The following AANAT variants were observed in gnomAD, a reference collection of about 807,000 sequenced individuals.
AANAT encodes aralkylamine N-acetyltransferase.
A neutral mutation model predicts 15.6 loss-of-function variants in AANAT; 11 were observed. The observed-to-expected ratio is 0.71, with a 90% confidence interval of 0.44 to 1.17. The LOEUF is 1.17. AANAT is among the 50% of genes most tolerant of loss of function. AANAT has a pLI of 0.00. For synonymous variants in AANAT, 139 were observed against 131.5 expected (o/e 1.06, Z -0.39); for missense variants, 286 against 296.3 (o/e 0.97, Z 0.26).
chr17:76,469,887 ATCACCGTGGGCTCCC>A lies in AANAT; in HGVS notation c.547_561del (p.Val183_Thr187del). 1 of 1,580,922 alleles carries A rather than the reference ATCACCGTGGGCTCCC, an allele frequency of 6.3e-7. No individual in the cohort carries two copies. Among genetic ancestry groups the A allele is most frequent in the Admixed American group, 1.8e-5 (1 of 55,334 alleles). ...CTTCCACGCCGTGGGCCCCTGCGCC[ATCACCGTGGGCTCCC>A]TCACCTTCATGGAGCTCCACTGCTC... is the stretch of plus-strand genomic sequence containing the variant. On this transcript the variant is annotated inframe_deletion, in exon 4 of 4. Coordinates refer to ENST00000392492, the MANE Select transcript of AANAT (RefSeq NM_001088.3). The surrounding 1 kb of genome is among the most constrained non-coding windows in gnomAD (Gnocchi z 5.2).
chr17:76,470,111 G>A lies in AANAT; in HGVS notation c.*141G>A, dbSNP rs72466450. 2,699 of 920,734 alleles carry A rather than the reference G, an allele frequency of 2.9e-3. 25 individuals carry two copies. In the African/African-American group the frequency reaches 0.031, roughly 11 times the overall value. 57.0% of individuals were successfully genotyped at this position (920,734 alleles called of 1,614,324 possible). ...AAGAGGAGATAAGGTGGCTTCTCAC[G>A]GCCTGAGCTGGAGTGGTGTGTCTTG... On this transcript the variant is annotated 3_prime_UTR_variant, in exon 4 of 4. Coordinates refer to ENST00000392492, the MANE Select transcript of AANAT (RefSeq NM_001088.3).
upstream of AANAT, among the ~76,000 whole-genome samples, chr17:76,465,465 A>G (rs1391370825): frequency 6.6e-6 from 1 of 151,224 alleles, no homozygotes; most frequent in Non-Finnish European, 1.5e-5. Flanking sequence ...CCTCCCAAGT[A>G]GCTGGGGCTA....
At chr17:76,454,919 G>A (rs1281553425) in intron 1 of AANAT, among the ~76,000 whole-genome samples, 2 of 152,048 alleles carry the variant, frequency 1.3e-5, no homozygotes, top group Non-Finnish European at 2.9e-5. Flanking sequence ...CCGAGGTCAG[G>A]AGTTCAAGAC....
intron 1 of AANAT, among the ~76,000 whole-genome samples, chr17:76,468,432 G>T (rs2073463720): frequency 6.6e-6 from 1 of 152,200 alleles, no homozygotes; most frequent in South Asian, 2.1e-4. Context: ...ATGTCTGCAG[G>T]TCTGCAAGGT....
exon 2 of AANAT, chr17:76,459,252 G>A (rs2073365542): frequency 6.6e-6 from 1 of 152,238 alleles, no homozygotes; most frequent in Admixed American, 6.5e-5. Context: ...TGAAGATACA[G>A]GGTGAGGCAC....
At chr17:76,464,416 C>T (rs918911244), upstream of AANAT, among the ~76,000 whole-genome samples, 3 of 151,882 alleles carry the variant, frequency 2.0e-5, no homozygotes, top group Admixed American at 6.6e-5. Flanking sequence ...TTCATGGGAC[C>T]GAAGAGCCTT....
intron 2 of AANAT, among the ~76,000 whole-genome samples, chr17:76,461,864 C>T (rs1430963697): frequency 1.3e-5 from 2 of 152,066 alleles, no homozygotes; most frequent in South Asian, 2.1e-4. Context: ...TAAAGAAACT[C>T]GCCTCCTGAA....
chr17:76,462,889 G>A (rs569920573), upstream of AANAT, among the ~76,000 whole-genome samples: 2 of 152,306 alleles, frequency 1.3e-5, no homozygotes, highest in South Asian at 2.1e-4. Context: ...ATGGAAAACC[G>A]GTATCTCAGA....
Position 76,469,088 on chromosome 17 carries a change from C to T in AANAT, c.164-85C>T. ...CCCCATTTTCCTGTGGGGAACGGGG[C>T]ATCTGAGTGGACACTCGGGGTGCAG... is the stretch of plus-strand genomic sequence containing the variant. On this transcript the variant is annotated intron_variant, in intron 2 of 3. Transcript: ENST00000392492. The surrounding 1 kb of genome is among the most constrained non-coding windows in gnomAD (Gnocchi z 5.2). 2 of 1,572,718 alleles carry T rather than the reference C, an allele frequency of 1.3e-6. No homozygotes were observed.
chr17:76,463,344 G>C (rs2073407460), upstream of AANAT, among the ~76,000 whole-genome samples: 1 of 115,932 alleles, frequency 8.6e-6, no homozygotes, highest in African/African-American at 3.2e-5. Context: ...GTCTTGCTCT[G>C]TGGCCCAAGT....
At chr17:76,460,129 A>ATT (rs1567863927) in intron 2 of AANAT, among the ~76,000 whole-genome samples, 20 of 82,926 alleles carry the variant, frequency 2.4e-4, no homozygotes, top group East Asian at 5.7e-4. Flanking sequence ...TACTTCAGGA[A>ATT]ATTTTTTTTT....
At chr17:76,464,655 G>A (rs543665568), upstream of AANAT, among the ~76,000 whole-genome samples, 4 of 151,906 alleles carry the variant, frequency 2.6e-5, no homozygotes, top group East Asian at 5.8e-4. Flanking sequence ...AAAGAGCCTC[G>A]GCCTCCCAAA....
intron 1 of AANAT, 66 bp downstream of exon 1, chr17:76,467,793 T>C: frequency 1.1e-6 from 1 of 929,174 alleles, no homozygotes; most frequent in Non-Finnish European, 1.3e-6. Flanking sequence ...TTGGAGCTTC[T>C]AGACATGGAG....
intron 1 of AANAT, among the ~76,000 whole-genome samples, chr17:76,455,463 C>T (rs2073335217): frequency 6.6e-6 from 1 of 152,028 alleles, no homozygotes; most frequent in African/African-American, 2.4e-5. Context: ...AAGAAAAAAA[C>T]TAACTCTAAT....
Position 76,468,695 on chromosome 17 carries a change from TAGG to T in AANAT, c.-47_-45del, listed in dbSNP as rs867415828. 2.5e-6 allele frequency: 4 copies of T among 1,569,960 alleles called. No individual in the cohort carries two copies. The African/African-American group carries it at 4.1e-5, about 16-fold the overall frequency. On this transcript the variant is annotated 5_prime_UTR_variant, in exon 2 of 4. Coordinates refer to ENST00000392492, the MANE Select transcript of AANAT (RefSeq NM_001088.3). The stretch of plus-strand genomic sequence containing the variant: ...AGGTGCTGGGAGGCCCTCCTTGGCT[TAGG>T]AGGACACTTCCAAAGCTGGGGCGCC...
Position 76,470,015 on chromosome 17 carries a change from C to T in AANAT, c.*45C>T, listed in dbSNP as rs2073508251. 3 of 1,437,340 alleles carry T rather than the reference C, an allele frequency of 2.1e-6. No homozygotes were observed. The highest frequency in any genetic ancestry group is 2.8e-6 in the Non-Finnish European group (3 of 1,089,554). The allele number at this position is 1,437,340 out of a possible 1,614,324, so 89.0% of individuals were successfully genotyped here. A position where few individuals can be genotyped will look rare whatever the true frequency, so the allele number is the denominator to read the frequency against. ...TGCCAACATGATCCCCGTCTCTGCCCTGGGCTCCTCTTAGCTCAGCTGAGC... is the reference window on the plus strand; with the variant it reads ...TGCCAACATGATCCCCGTCTCTGCCTTGGGCTCCTCTTAGCTCAGCTGAGC... On this transcript the variant is annotated 3_prime_UTR_variant, in exon 4 of 4. Coordinates refer to ENST00000392492, the MANE Select transcript of AANAT (RefSeq NM_001088.3).
chr17:76,466,307 G>T, upstream of AANAT: 1 of 1,272,392 alleles, frequency 7.9e-7, no homozygotes, highest in South Asian at 1.5e-5. Flanking sequence ...GGTCGGTCCT[G>T]AGAGGTCTGT....
chr17:76,457,235 G>A (rs1267932879), intron 1 of AANAT, among the ~76,000 whole-genome samples: 3 of 152,076 alleles, frequency 2.0e-5, no homozygotes, highest in Non-Finnish European at 4.4e-5. Context: ...TAGAGACGGG[G>A]TTTACCATGT....
chr17:76,461,097 G>A (rs752273273), intron 2 of AANAT, among the ~76,000 whole-genome samples: 1 of 151,958 alleles, frequency 6.6e-6, no homozygotes, highest in Admixed American at 6.6e-5. Context: ...CCCGGGAGGC[G>A]GGGGTTTCAG....
Sources: allele counts gnomAD v4.1 joint callset (sites outside exome capture counted in the v4.1 genomes callset), GRCh38; gene constraint gnomAD v4.1.1; non-coding constraint Gnocchi (gnomAD v3.1); transcripts MANE v1.5; gene names NCBI Gene and HGNC (gene_info 2026-07-23, HGNC 2026-07-21).